The following ELF2 variants were observed in gnomAD, a reference collection of about 807,000 sequenced individuals.
ELF2 encodes the protein ETS-related transcription factor Elf-2.
A neutral mutation model predicts 54.8 loss-of-function variants in ELF2; 11 were observed. The ratio of observed to expected loss-of-function variants is 0.20; its 90% CI spans 0.13 to 0.33. ELF2 has a LOEUF of 0.33. Ranked by LOEUF, ELF2 falls within the 10% of genes least tolerant of loss-of-function variation. The probability of loss-of-function intolerance (pLI) is 1.00; values close to 1 mark genes in which losing one functional copy is unlikely to be tolerated. For missense variants in ELF2, 513 were observed against 703.0 expected (o/e 0.73, Z 3.06); for synonymous variants, 203 against 245.1 (o/e 0.83, Z 1.61).
intron 7 of ELF2, among the ~76,000 whole-genome samples, chr4:139,063,563 T>C (rs1578663351): frequency 6.6e-6 from 1 of 152,184 alleles, no homozygotes; most frequent in Admixed American, 6.5e-5. Context: ...TCGCATACCA[T>C]GCTTAAGGAG....
intron 6 of ELF2, 127 bp from the exon 7 acceptor site, chr4:139,067,897 T>A: frequency 2.3e-6 from 2 of 862,676 alleles, no homozygotes; most frequent in Non-Finnish European, 3.5e-6. Context: ...ATATACTCTA[T>A]GAAAAGCTGC....
intron 1 of ELF2, among the ~76,000 whole-genome samples, chr4:139,150,572 G>C (rs1739775920): frequency 6.7e-6 from 1 of 149,400 alleles, no homozygotes; most frequent in Admixed American, 6.7e-5. Context: ...AGTCAGCCAA[G>C]ACCCTCCTCA....
At chr4:139,092,468 T>TAACATAACA (rs1732771738) in intron 4 of ELF2, among the ~76,000 whole-genome samples, 1 of 144,408 alleles carries the variant, frequency 6.9e-6, no homozygotes, top group African/African-American at 2.6e-5. Context: ...TAACATAACA[T>TAACATAACA]AACATAGGGC....
rs1331952788 is a variant in ELF2 at position 139,059,109 on chromosome 4, C to T, written c.1656G>A (p.Gln552=). The change falls in exon 10 of 10, where the codon CAG becomes CAA. Residue 552 remains glutamine, a synonymous_variant. Transcript: ENST00000686138. ...KKQEHDVKTL[Q]LVEEKPADGN... ...CATCTGCTGGTTTTTCTTCTACTAG[C>T]TGCAAAGTTTTCACATCATGTTCTT... 1 of 1,614,000 alleles carries T rather than the reference C, an allele frequency of 6.2e-7. No homozygotes were observed. Among genetic ancestry groups the T allele is most frequent in the Non-Finnish European group, 8.5e-7 (1 of 1,179,874 alleles).
At chr4:139,088,616 C>A (rs1732247443) in intron 4 of ELF2, among the ~76,000 whole-genome samples, 1 of 152,164 alleles carries the variant, frequency 6.6e-6, no homozygotes. Flanking sequence ...TCTTCACCCA[C>A]TTCTACACAA....
intron 7 of ELF2, among the ~76,000 whole-genome samples, chr4:139,063,591 T>A (rs995624140): frequency 1.3e-5 from 2 of 152,144 alleles, no homozygotes; most frequent in Admixed American, 1.3e-4. Context: ...TAAAACCTGG[T>A]CCCTGCCTCA....
intron 6 of ELF2, among the ~76,000 whole-genome samples, chr4:139,071,368 C>T (rs1031647224): frequency 1.3e-5 from 2 of 151,578 alleles, no homozygotes; most frequent in Non-Finnish European, 2.9e-5. Flanking sequence ...TGCTATGTTG[C>T]CCAGGTTGGC....
At chr4:139,173,735 G>A (rs1742583125) in intron 1 of ELF2, among the ~76,000 whole-genome samples, 2 of 142,022 alleles carry the variant, frequency 1.4e-5, no homozygotes, top group Non-Finnish European at 3.0e-5. Context: ...TCCAGCCTGG[G>A]CAACACAGCG....
intron 1 of ELF2, among the ~76,000 whole-genome samples, chr4:139,148,681 C>G (rs1739528564): frequency 6.6e-6 from 1 of 151,150 alleles, no homozygotes; most frequent in Non-Finnish European, 1.5e-5. Flanking sequence ...ATTGTGAATG[C>G]TATTCTGAAA....
At chr4:139,175,640 A>T (rs1184294431) in intron 1 of ELF2, among the ~76,000 whole-genome samples, 1 of 152,262 alleles carries the variant, frequency 6.6e-6, no homozygotes, top group East Asian at 1.9e-4. Context: ...GGCACCAAAG[A>T]AAGTGCATAA....
intron 1 of ELF2, among the ~76,000 whole-genome samples, chr4:139,141,334 T>C (rs1372485753): frequency 6.6e-6 from 1 of 152,188 alleles, no homozygotes; most frequent in African/African-American, 2.4e-5. Flanking sequence ...CCCCTTCCCC[T>C]TGTCTGCAGC....
At position 139,081,737 on chromosome 4, in the gene ELF2, T is replaced by C. The variant is rs72949603; in HGVS notation, c.239-8170A>G. ...AAATTTAGAATCATGATTCCTAATC[T>C]TCTGGGCCATCTTTCCTCCCTAACT... On this transcript the variant is annotated intron_variant, in intron 4 of 9. Coordinates refer to ENST00000686138, the MANE Select transcript of ELF2 (RefSeq NM_001331036.3). 7.8e-3 allele frequency among the ~76,000 whole-genome samples: 1,191 copies of C among 152,300 alleles called. 21 individuals carry two copies. Among genetic ancestry groups the C allele is most frequent in the African/African-American group, 0.027 (1,126 of 41,576 alleles).
At chr4:139,163,108 AATATATAAAATACTG>A (rs1741337574) in intron 1 of ELF2, among the ~76,000 whole-genome samples, 1 of 152,188 alleles carries the variant, frequency 6.6e-6, no homozygotes, top group Non-Finnish European at 1.5e-5. Context: ...AAAATAAAAA[AATATATAAAATACTG>A]ATATATGATA....
At chr4:139,129,603 TAA>T (rs546370105) in intron 3 of ELF2, among the ~76,000 whole-genome samples, 1 of 152,284 alleles carries the variant, frequency 6.6e-6, no homozygotes, top group South Asian at 2.1e-4. Flanking sequence ...TCTTCATATT[TAA>T]AAAAGAGATT....
intron 1 of ELF2, among the ~76,000 whole-genome samples, chr4:139,145,041 CTT>C (rs1739089939): frequency 6.6e-6 from 1 of 152,248 alleles, no homozygotes; most frequent in South Asian, 2.1e-4. Flanking sequence ...AGCTGGCACT[CTT>C]TTGCAAGCAC....
chr4:139,174,222 A>G (rs1365379214), intron 1 of ELF2, among the ~76,000 whole-genome samples: 1 of 145,170 alleles, frequency 6.9e-6, no homozygotes, highest in Non-Finnish European at 1.5e-5. Flanking sequence ...AAAAAAAAAA[A>G]GAAAGAAAGA....
intron 9 of ELF2, among the ~76,000 whole-genome samples, chr4:139,059,873 G>C (rs11733790): frequency 0.19 from 27,769 of 149,130 alleles, 2,757 homozygotes; most frequent in South Asian, 0.33. Flanking sequence ...TTGGAGATAA[G>C]GTCTCAGTCT....
intron 3 of ELF2, among the ~76,000 whole-genome samples, chr4:139,128,147 T>C (rs1254276307): frequency 6.6e-6 from 1 of 150,824 alleles, no homozygotes; most frequent in Non-Finnish European, 1.5e-5. Flanking sequence ...TTGTGGCTCT[T>C]GCCTATAGTC....
chr4:139,121,954 C>A (rs540316410), intron 4 of ELF2, among the ~76,000 whole-genome samples: 77 of 152,264 alleles, frequency 5.1e-4, no homozygotes, highest in African/African-American at 1.8e-3. Context: ...AAGAGAAATT[C>A]TTTTATATGC....
Sources: gnomAD v4.1 joint callset for allele counts (sites outside exome capture counted in the v4.1 genomes callset) on GRCh38, gnomAD v4.1.1 for gene constraint, MANE v1.5 for transcripts, NCBI Gene and HGNC (gene_info 2026-07-23, HGNC 2026-07-21) for gene names.